CNBD1: variants seen among roughly 807,000 people sequenced by gnomAD.
The protein encoded by CNBD1 is cyclic nucleotide binding domain containing 1, also known as cyclic nucleotide-binding domain-containing protein 1.
In CNBD1, 71 loss-of-function variants were observed where a neutral mutation model predicts 54.4. The ratio of observed to expected loss-of-function variants is 1.30; its 90% confidence interval spans 1.08 to 1.59. The LOEUF (loss-of-function observed/expected upper bound fraction) is 1.59. CNBD1 is among the 40% of genes most tolerant of loss of function. The pLI is 0.00. For missense variants in CNBD1, 659 were observed against 518.0 expected, an observed-to-expected ratio of 1.27 and a Z score of -2.64; for synonymous variants, 182 against 170.7, an observed-to-expected ratio of 1.07 and a Z score of -0.51.
intron 4 of CNBD1, among the ~76,000 whole-genome samples, chr8:87,010,282 A>C (rs2130559343): frequency 6.6e-6 from 1 of 151,866 alleles, no homozygotes; most frequent in South Asian, 2.1e-4. Context: ...TGTTCCTGAC[A>C]CGATTTTTTT....
intron 4 of CNBD1, among the ~76,000 whole-genome samples, chr8:87,124,260 A>G (rs1049923077): frequency 9.2e-5 from 14 of 151,828 alleles, no homozygotes; most frequent in Middle Eastern, 3.4e-3. Context: ...CAAACACATT[A>G]CTTCAAAGAC....
At chr8:87,090,463 GA>G (rs1252731446) in intron 4 of CNBD1, among the ~76,000 whole-genome samples, 2 of 152,160 alleles carry the variant, frequency 1.3e-5, no homozygotes, top group Non-Finnish European at 2.9e-5. Flanking sequence ...ATATCCTACT[GA>G]ATTAACGACT....
chr8:87,196,641 A>AG (rs2130790261), intron 4 of CNBD1, among the ~76,000 whole-genome samples: 1 of 152,340 alleles, frequency 6.6e-6, no homozygotes, highest in East Asian at 1.9e-4. Flanking sequence ...ATGTCAGCAC[A>AG]GATGCCAAAG....
At chr8:86,877,710 T>C (rs1808545415) in intron 1 of CNBD1, among the ~76,000 whole-genome samples, 3 of 152,192 alleles carry the variant, frequency 2.0e-5, no homozygotes, top group Non-Finnish European at 2.9e-5. Flanking sequence ...CATCGTATTA[T>C]ATTTAATTCT....
chr8:87,252,395 A>G (rs562740628), intron 6 of CNBD1, among the ~76,000 whole-genome samples: 2 of 152,316 alleles, frequency 1.3e-5, no homozygotes, highest in South Asian at 2.1e-4. Flanking sequence ...TCCAATAATT[A>G]TTTTTACATG....
chr8:87,017,089 A>C (rs1456797302), intron 4 of CNBD1, among the ~76,000 whole-genome samples: 3 of 152,088 alleles, frequency 2.0e-5, no homozygotes, highest in Non-Finnish European at 4.4e-5. Flanking sequence ...TACAGATGCA[A>C]CCCCCTGCTG....
rs568473692 is a variant in CNBD1 at position 87,296,433 on chromosome 8, C to T, written c.1042+9762C>T. Among the ~76,000 whole-genome samples the T allele has an allele frequency of 2.0e-5, 3 of 152,156 alleles. No homozygotes were observed. The South Asian group carries it at 6.2e-4, about 32-fold the overall frequency. On this transcript the variant is annotated intron_variant, in intron 8 of 10. Coordinates refer to ENST00000518476, the MANE Select transcript of CNBD1 (RefSeq NM_173538.3). ...AAGAAGTGAAAATAGAAAAGAGGTTCTTACTTGCTTCCAAATTCTAAGGCC... is the reference window on the plus strand; with the variant it reads ...AAGAAGTGAAAATAGAAAAGAGGTTTTTACTTGCTTCCAAATTCTAAGGCC...
chr8:86,991,422 T>C (rs1210866744), intron 4 of CNBD1, among the ~76,000 whole-genome samples: 1 of 152,052 alleles, frequency 6.6e-6, no homozygotes, highest in East Asian at 1.9e-4. Context: ...TTTGTTAATC[T>C]AGTTAGTGCT....
intron 8 of CNBD1, among the ~76,000 whole-genome samples, chr8:87,340,925 A>C (rs1284177332): frequency 6.6e-6 from 1 of 151,630 alleles, no homozygotes; most frequent in Non-Finnish European, 1.5e-5. Context: ...TTATATCTTG[A>C]TTCATCAGTT....
At chr8:87,382,540 G>A (rs1191750971) in intron 10 of CNBD1, 80 bp from the exon 11 acceptor site, 6 of 1,088,638 alleles carry the variant, frequency 5.5e-6, no homozygotes, top group Non-Finnish European at 8.1e-6. Flanking sequence ...GTAATTTTAG[G>A]GTTCTATTCT....
intron 4 of CNBD1, among the ~76,000 whole-genome samples, chr8:86,944,668 G>T (rs1807423340): frequency 6.6e-6 from 1 of 152,168 alleles, no homozygotes; most frequent in Non-Finnish European, 1.5e-5. Flanking sequence ...GAGTCAAATG[G>T]GAGACCTGGT....
At chr8:87,427,428 C>T (rs16868492) in intron 2 of CNBD1, among the ~76,000 whole-genome samples, 2,297 of 151,950 alleles carry the variant, frequency 0.015, 58 homozygotes, top group African/African-American at 0.049. Context: ...ATAGGTTTAC[C>T]GATATGTAGT....
intron 3 of CNBD1, among the ~76,000 whole-genome samples, chr8:86,932,921 A>G (rs1297456714): frequency 6.6e-6 from 1 of 152,038 alleles, no homozygotes; most frequent in Non-Finnish European, 1.5e-5. Flanking sequence ...AGCAGCGGAA[A>G]CACTTGTTTT....
chr8:87,151,480 G>C (rs1013183894), intron 4 of CNBD1, among the ~76,000 whole-genome samples: 1 of 152,264 alleles, frequency 6.6e-6, no homozygotes, highest in Admixed American at 6.5e-5. Context: ...TATGTAGATG[G>C]TGTTAAGTTT....
intron 5 of CNBD1, among the ~76,000 whole-genome samples, chr8:87,208,073 T>G (rs1299047921): frequency 1.3e-5 from 2 of 152,200 alleles, no homozygotes; most frequent in African/African-American, 4.8e-5. Flanking sequence ...CCTCTGCTAT[T>G]ATTTAAACTA....
At chr8:87,385,285 T>C (rs1276154036), downstream of CNBD1, among the ~76,000 whole-genome samples, 3 of 151,824 alleles carry the variant, frequency 2.0e-5, no homozygotes, top group Non-Finnish European at 4.4e-5. Context: ...GGACAGTGGG[T>C]GCAGCGCACC....
At chr8:87,103,119 C>T (rs2974276) in intron 4 of CNBD1, among the ~76,000 whole-genome samples, 11,945 of 152,076 alleles carry the variant, frequency 0.079, 619 homozygotes, top group South Asian at 0.15. Context: ...AAAGTTTCAC[C>T]AAAGGATCTG....
Position 87,325,974 on chromosome 8 carries a change from C to G in CNBD1, c.1043-25711C>G, listed in dbSNP as rs538856269. Among the ~76,000 whole-genome samples the G allele has an allele frequency of 5.7e-4, 62 of 107,946 alleles. 11 individuals carry two copies. The highest frequency in any genetic ancestry group is 1.1e-3 in the Non-Finnish European group (53 of 49,312). 70.8% of individuals were successfully genotyped at this position (107,946 alleles called of 152,430 possible). On this transcript the variant is annotated intron_variant, in intron 8 of 10. Coordinates refer to ENST00000518476, the MANE Select transcript of CNBD1 (RefSeq NM_173538.3). ...TCCTTTCCATGTTTAGCGCTTCCTT[C>G]AGGAGCTCTTTTAGGGCAGGCCTGG...
At chr8:87,398,451 T>G (rs1232866316) in intron 2 of CNBD1, among the ~76,000 whole-genome samples, 1 of 151,956 alleles carries the variant, frequency 6.6e-6, no homozygotes, top group Admixed American at 6.6e-5. Context: ...AATAAACATT[T>G]GCTGTGTGTG....
Sources: gnomAD v4.1 joint callset for allele counts (sites outside exome capture counted in the v4.1 genomes callset) on GRCh38, gnomAD v4.1.1 for gene constraint, MANE v1.5 for transcripts, NCBI Gene and HGNC (gene_info 2026-07-23, HGNC 2026-07-21) for gene names.